The following C7orf78 variants were observed in gnomAD, a reference collection of about 807,000 sequenced individuals.
C7orf78 encodes putative uncharacterized protein C7orf78.
At chr7:12,491,604 G>A in the C7orf78 span, 1 of 152,130 alleles carries the variant, frequency 6.6e-6, no homozygotes, top group African/African-American at 2.4e-5. Flanking sequence ...CTAAAAAAGA[G>A]TAAAACAAAG....
chr7:12,514,755 C>A, the C7orf78 span, among the ~76,000 whole-genome samples: 2 of 152,046 alleles, frequency 1.3e-5, no homozygotes, highest in Non-Finnish European at 2.9e-5. Flanking sequence ...ATGATGATGA[C>A]TGATCCTTTC....
At chr7:12,490,689 G>C in the C7orf78 span, among the ~76,000 whole-genome samples, 2 of 151,512 alleles carry the variant, frequency 1.3e-5, no homozygotes, top group African/African-American at 2.4e-5. Flanking sequence ...CTGTCTTCAG[G>C]ATGCAGCATT....
chr7:12,531,006 C>T, the C7orf78 span: 2 of 398,362 alleles, frequency 5.0e-6, no homozygotes, highest in East Asian at 3.6e-5. Flanking sequence ...GTACCATCTT[C>T]CTTCAGAGAC....
the C7orf78 span, among the ~76,000 whole-genome samples, chr7:12,515,563 G>T: frequency 6.6e-6 from 1 of 152,190 alleles, no homozygotes; most frequent in African/African-American, 2.4e-5. Context: ...TGGGTAACAG[G>T]CAGAGGCTGG....
chr7:12,490,380 T>G, the C7orf78 span, among the ~76,000 whole-genome samples: 1 of 152,166 alleles, frequency 6.6e-6, no homozygotes, highest in Non-Finnish European at 1.5e-5. Flanking sequence ...GACGATGTCA[T>G]CATGTGAATT....
chr7:12,507,465 G>T, the C7orf78 span: 1 of 206,052 alleles, frequency 4.9e-6, no homozygotes, highest in South Asian at 1.0e-4. Context: ...ATCTCTGATG[G>T]ATTCTACATT....
At chr7:12,528,270 T>C in the C7orf78 span, among the ~76,000 whole-genome samples, 10 of 151,110 alleles carry the variant, frequency 6.6e-5, no homozygotes, top group African/African-American at 2.4e-4. Context: ...GTAATTGAAA[T>C]GGAACATATC....
At chr7:12,507,393 A>G in the C7orf78 span, 1 of 176,794 alleles carries the variant, frequency 5.7e-6, no homozygotes, top group Non-Finnish European at 1.2e-5. Flanking sequence ...TGAAGAAAGC[A>G]GACAGCCATG....
the C7orf78 span, among the ~76,000 whole-genome samples, chr7:12,502,736 T>C: frequency 6.6e-6 from 1 of 150,914 alleles, no homozygotes; most frequent in African/African-American, 2.5e-5. Flanking sequence ...TTACTGGGTA[T>C]ATACCCAAAG....
the C7orf78 span, among the ~76,000 whole-genome samples, chr7:12,532,445 T>C: frequency 6.6e-6 from 1 of 150,724 alleles, no homozygotes; most frequent in East Asian, 2.0e-4. Context: ...GCTCCTTAGG[T>C]GGCTGAGGCA....
the C7orf78 span, among the ~76,000 whole-genome samples, chr7:12,522,037 A>C: frequency 6.6e-6 from 1 of 152,116 alleles, no homozygotes; most frequent in Non-Finnish European, 1.5e-5. Context: ...CATTTTCAAC[A>C]TATATGAAGA....
chr7:12,512,505 T>A, the C7orf78 span, among the ~76,000 whole-genome samples: 5 of 152,214 alleles, frequency 3.3e-5, no homozygotes, highest in Non-Finnish European at 7.3e-5. Context: ...GACTTCCACA[T>A]GTTGAACCAT....
At chr7:12,515,629 C>T in the C7orf78 span, among the ~76,000 whole-genome samples, 1 of 152,140 alleles carries the variant, frequency 6.6e-6, no homozygotes, top group Non-Finnish European at 1.5e-5. Context: ...TTGGAAATTC[C>T]TAGAGACTTG....
At chr7:12,499,126 A>T in the C7orf78 span, among the ~76,000 whole-genome samples, 35 of 152,314 alleles carry the variant, frequency 2.3e-4, no homozygotes, top group East Asian at 1.9e-4. Context: ...GCCACTGCAA[A>T]ATCATGCCAA....
At chr7:12,503,487 A>G in the C7orf78 span, among the ~76,000 whole-genome samples, 1 of 152,082 alleles carries the variant, frequency 6.6e-6, no homozygotes, top group Non-Finnish European at 1.5e-5. Context: ...AGTTGGAGAT[A>G]TATTTGGGGC....
At chr7:12,491,819 AT>A in the C7orf78 span, 3 of 152,218 alleles carry the variant, frequency 2.0e-5, no homozygotes, top group East Asian at 5.8e-4. Flanking sequence ...TTGCTTCTTT[AT>A]TTCTTATTTT....
the C7orf78 span, chr7:12,487,183 A>G: frequency 2.0e-5 from 3 of 152,174 alleles, no homozygotes; most frequent in Admixed American, 1.3e-4. Context: ...TTGGGGAATA[A>G]TTTTGGCAGC....
the C7orf78 span, among the ~76,000 whole-genome samples, chr7:12,485,911 A>T: frequency 6.6e-6 from 1 of 152,226 alleles, no homozygotes. Flanking sequence ...AATGGGATTG[A>T]CTCATAAGGA....
At chr7:12,509,384 A>T in the C7orf78 span, among the ~76,000 whole-genome samples, 2 of 152,202 alleles carry the variant, frequency 1.3e-5, no homozygotes, top group Admixed American at 6.5e-5. Flanking sequence ...TACTGCTTTG[A>T]GAGAACCTGT....
Sources: gnomAD v4.1 joint callset for allele counts (sites outside exome capture counted in the v4.1 genomes callset) on GRCh38, gnomAD v4.1.1 for gene constraint, MANE v1.5 for transcripts, NCBI Gene and HGNC (gene_info 2026-07-23, HGNC 2026-07-21) for gene names.